FMN1: variants seen among roughly 807,000 people sequenced by gnomAD.
FMN1 encodes the protein formin 1, also known as formin-1.
In FMN1, 110 loss-of-function variants were observed where a neutral mutation model predicts 132.4. The observed-to-expected ratio is 0.83, with a 90% confidence interval of 0.71 to 0.97. FMN1 has a LOEUF of 0.97. FMN1 is among the 50% of genes least tolerant of loss of function. FMN1 has a pLI of 0.00. For synonymous variants in FMN1, 722 were observed against 651.7 expected (o/e 1.11, Z -1.64); for missense variants, 1,792 against 1,705.3 (o/e 1.05, Z -0.90).
rs3812926 is a variant in FMN1 at position 32,910,401 on chromosome 15, A to G, written c.3288+73T>C. The G allele has an allele frequency of 0.29, 356,879 of 1,243,458 alleles. 53,646 individuals carry two copies. The highest frequency in any genetic ancestry group is 0.32 in the Non-Finnish European group (273,616 of 867,150). The allele number at this position is 1,243,458 out of a possible 1,614,324, so 77.0% of individuals were successfully genotyped here. On this transcript the variant is annotated intron_variant, in intron 11 of 20. Coordinates refer to ENST00000616417, the MANE Select transcript of FMN1 (RefSeq NM_001277313.2). ...GTCAAAACCCTTACTACCAAAGAACATGAACAGCTCAGTCATTTCTCAGGT... is the reference window on the plus strand; with the variant it reads ...GTCAAAACCCTTACTACCAAAGAACGTGAACAGCTCAGTCATTTCTCAGGT...
intron 18 of FMN1, among the ~76,000 whole-genome samples, chr15:32,801,722 G>C (rs2057488152): frequency 6.6e-6 from 1 of 152,242 alleles, no homozygotes; most frequent in South Asian, 2.1e-4. Flanking sequence ...GTGAACCTGG[G>C]AGGCAGAGCT....
At chr15:32,803,969 C>T (rs571340663) in intron 18 of FMN1, among the ~76,000 whole-genome samples, 10 of 152,120 alleles carry the variant, frequency 6.6e-5, no homozygotes, top group South Asian at 2.1e-4. Flanking sequence ...CACATGGGGC[C>T]GAAAGTAGGG....
rs370398129 is a variant in FMN1 at position 32,973,584 on chromosome 15, C to A, written c.2224-4107G>T. ...GCCTCTCTCTGCCCCTCACCCCCCC[C>A]AAAAAAACACTTGTCTTTGACCTTT... On this transcript the variant is annotated intron_variant, in intron 7 of 20. Coordinates refer to ENST00000616417, the MANE Select transcript of FMN1 (RefSeq NM_001277313.2). 1.2e-3 allele frequency among the ~76,000 whole-genome samples: 183 copies of A among 151,210 alleles called. 4 individuals carry two copies. The highest frequency in any genetic ancestry group is 0.011 in the South Asian group (51 of 4,790).
At chr15:32,977,555 T>C (rs766381033) in intron 7 of FMN1, among the ~76,000 whole-genome samples, 3 of 152,226 alleles carry the variant, frequency 2.0e-5, no homozygotes, top group Non-Finnish European at 4.4e-5. Flanking sequence ...AATTTTCAAA[T>C]TTCCTCTAAG....
rs149573000 is a variant in FMN1, at chr15:33,035,807, T to C, written c.2162-27732A>G. ...ACTCATGTTAAAACATAGCCCACAA[T>C]GTGGCAATATTTTGAGAGGCAGGGC... is the stretch of plus-strand genomic sequence containing the variant. On this transcript the variant is annotated intron_variant, in intron 6 of 20. Coordinates refer to ENST00000616417, the MANE Select transcript of FMN1 (RefSeq NM_001277313.2). 5.0e-3 allele frequency among the ~76,000 whole-genome samples: 754 copies of C among 152,300 alleles called. 9 individuals carry two copies. Among genetic ancestry groups the C allele is most frequent in the African/African-American group, 0.017 (726 of 41,568 alleles).
At chr15:33,054,149 T>C (rs1318731392) in intron 6 of FMN1, among the ~76,000 whole-genome samples, 1 of 152,196 alleles carries the variant, frequency 6.6e-6, no homozygotes, top group Non-Finnish European at 1.5e-5. Context: ...TCAAGTACAG[T>C]TGAAATGGGC....
chr15:32,932,037 C>T (rs189575961), intron 9 of FMN1, among the ~76,000 whole-genome samples: 52 of 152,180 alleles, frequency 3.4e-4, no homozygotes, highest in African/African-American at 1.2e-3. Context: ...ATATGTTGAA[C>T]CTTCCTTGCA....
chr15:33,017,124 C>G (rs1287963435), intron 6 of FMN1, among the ~76,000 whole-genome samples: 2 of 144,648 alleles, frequency 1.4e-5, no homozygotes, highest in Non-Finnish European at 3.0e-5. Flanking sequence ...TACCCTAGAA[C>G]TTAAAGCATA....
At chr15:32,812,681 G>T (rs1040299907) in intron 17 of FMN1, among the ~76,000 whole-genome samples, 6 of 152,172 alleles carry the variant, frequency 3.9e-5, no homozygotes, top group Non-Finnish European at 8.8e-5. Flanking sequence ...TCAGATTTTG[G>T]AGCATTTTGC....
chr15:33,059,777 C>CT (rs2037400956), intron 6 of FMN1, among the ~76,000 whole-genome samples: 1 of 152,182 alleles, frequency 6.6e-6, no homozygotes, highest in East Asian at 1.9e-4. Context: ...GTTTGCAGCT[C>CT]TCAGTTTTTA....
chr15:32,798,262 A>G (rs977609084), intron 19 of FMN1, among the ~76,000 whole-genome samples: 12 of 151,860 alleles, frequency 7.9e-5, no homozygotes, highest in African/African-American at 2.9e-4. Flanking sequence ...CCCCCAGCTA[A>G]TAAAATCGGG....
intron 9 of FMN1, among the ~76,000 whole-genome samples, chr15:32,943,532 A>C (rs1469453933): frequency 6.6e-6 from 1 of 152,194 alleles, no homozygotes; most frequent in African/African-American, 2.4e-5. Context: ...TTCCAAATAG[A>C]TAAAGGTACC....
At chr15:33,157,339 C>T (rs1028485998) in intron 3 of FMN1, among the ~76,000 whole-genome samples, 2 of 151,480 alleles carry the variant, frequency 1.3e-5, no homozygotes, top group African/African-American at 2.4e-5. Context: ...AATATGACTG[C>T]GTATTCTATT....
Position 32,899,965 on chromosome 15 carries a change from T to A in FMN1, c.3654+14A>T. On this transcript the variant is annotated intron_variant, in intron 14 of 20. Coordinates refer to ENST00000616417, the MANE Select transcript of FMN1 (RefSeq NM_001277313.2). ...AATGGCAGATCATGGGAACTTATTA[T>A]GAAAAATAAATACCCGACTTTTGAC... The A allele has an allele frequency of 6.2e-7, 1 of 1,610,116 alleles. No individual in the cohort carries two copies. Among genetic ancestry groups the A allele is most frequent in the Non-Finnish European group, 8.5e-7 (1 of 1,178,818 alleles).
Position 32,857,066 on chromosome 15 carries a change from T to C in FMN1, c.3877A>G (p.Lys1293Glu), listed in dbSNP as rs769997545. 29 of 1,613,846 alleles carry C rather than the reference T, an allele frequency of 1.8e-5. No homozygotes were observed. The Middle Eastern group carries it at 4.9e-4, about 27-fold the overall frequency. The change falls in exon 17 of 21, where the codon AAG becomes GAG. Residue 1293 changes from lysine to glutamate, a missense_variant. Around this residue, in one of 3 missense-constraint regions of FMN1, gnomAD observed 1,150 missense variants for 1,043.1 expected, o/e 1.10. Transcript: ENST00000616417. Reference protein sequence around the residue: ...QMVVVCKESPKEYLQPFKDKL... With the variant: ...QMVVVCKESPEEYLQPFKDKL... ...TCCTTGAAAGGCTGGAGATACTCCTTTGGGGACTCCTTGCACACCACCACC... is the reference window on the plus strand; with the variant it reads ...TCCTTGAAAGGCTGGAGATACTCCTCTGGGGACTCCTTGCACACCACCACC...
intron 16 of FMN1, among the ~76,000 whole-genome samples, chr15:32,861,501 A>G (rs2059267358): frequency 6.6e-6 from 1 of 152,218 alleles, no homozygotes; most frequent in African/African-American, 2.4e-5. Flanking sequence ...CATCTGCAAA[A>G]TGGGGACCTC....
intron 7 of FMN1, chr15:32,970,866 A>T (rs1272069795): frequency 6.6e-6 from 1 of 152,042 alleles, no homozygotes; most frequent in African/African-American, 2.4e-5. Context: ...TCAAGAGCAA[A>T]CCCCTAAAGG....
intron 15 of FMN1, among the ~76,000 whole-genome samples, chr15:32,895,517 G>C (rs1409323472): frequency 6.6e-6 from 1 of 152,078 alleles, no homozygotes; most frequent in Non-Finnish European, 1.5e-5. Flanking sequence ...CCCTTTATAG[G>C]ATGTATAATT....
At chr15:32,950,036 CATAT>C (rs373645697) in intron 9 of FMN1, among the ~76,000 whole-genome samples, 80 of 5,290 alleles carry the variant, frequency 0.015, no homozygotes, top group South Asian at 0.057. Flanking sequence ...TATATATACA[CATAT>C]ATATATATAT....
Sources: allele counts gnomAD v4.1 joint callset (sites outside exome capture counted in the v4.1 genomes callset), GRCh38; gene constraint gnomAD v4.1.1; regional missense constraint gnomAD v4.1.1; transcripts MANE v1.5; gene names NCBI Gene and HGNC (gene_info 2026-07-23, HGNC 2026-07-21).